The following GALNTL6 variants were observed in gnomAD, a reference collection of about 807,000 sequenced individuals.
GALNTL6 encodes polypeptide N-acetylgalactosaminyltransferase-like 6.
GALNTL6 carries 46 observed loss-of-function variants against 73.7 expected under a neutral mutation model. That is an observed-to-expected ratio of 0.62 (90% CI 0.49 to 0.80). GALNTL6 has a LOEUF of 0.80. Ranked by LOEUF, GALNTL6 falls within the 30% of genes least tolerant of loss-of-function variation. The pLI is 0.00. For missense variants in GALNTL6, 604 were observed against 755.0 expected, an observed-to-expected ratio of 0.80 and a Z score of 2.34; for synonymous variants, 259 against 263.7, an observed-to-expected ratio of 0.98 and a Z score of 0.17.
At chr4:172,311,888 G>GCAT in intron 4 of GALNTL6, 136 bp downstream of exon 4, 1 of 594,000 alleles carries the variant, frequency 1.7e-6, no homozygotes, top group Non-Finnish European at 2.8e-6. Flanking sequence ...AACTCATATT[G>GCAT]CATCATCTTA....
intron 5 of GALNTL6, among the ~76,000 whole-genome samples, chr4:172,688,535 C>T (rs1298125074): frequency 6.6e-6 from 1 of 152,192 alleles, no homozygotes; most frequent in African/African-American, 2.4e-5. Context: ...AAAAATCCCC[C>T]TTATTTCAAT....
chr4:171,916,221 G>A (rs1034424219), intron 2 of GALNTL6, among the ~76,000 whole-genome samples: 13 of 151,662 alleles, frequency 8.6e-5, no homozygotes, highest in Non-Finnish European at 2.9e-5. Flanking sequence ...TAATTACTTA[G>A]TTTTGGGATC....
intron 2 of GALNTL6, among the ~76,000 whole-genome samples, chr4:172,088,675 G>A (rs1352203416): frequency 6.6e-6 from 1 of 152,120 alleles, no homozygotes; most frequent in Non-Finnish European, 1.5e-5. Context: ...TGGAATATGA[G>A]TTTTCATCTT....
chr4:172,409,625 A>G (rs951528326), intron 5 of GALNTL6, among the ~76,000 whole-genome samples: 11 of 152,046 alleles, frequency 7.2e-5, no homozygotes, highest in African/African-American at 2.7e-4. Flanking sequence ...GAACATTTCA[A>G]TGAGGAAAGG....
At chr4:171,846,435 T>C (rs192020883) in intron 2 of GALNTL6, among the ~76,000 whole-genome samples, 1 of 152,100 alleles carries the variant, frequency 6.6e-6, no homozygotes, top group Admixed American at 6.6e-5. Flanking sequence ...AGGTAGACAG[T>C]AGGGGGCAGT....
chr4:172,396,285 C>T (rs335992), intron 5 of GALNTL6, among the ~76,000 whole-genome samples: 150,249 of 151,628 alleles, frequency 0.99, 74,465 homozygotes, highest in Middle Eastern at 1. Flanking sequence ...CTAAAGCGTG[C>T]GTAACTGCAA....
At chr4:172,736,679 T>G (rs6858047) in intron 5 of GALNTL6, among the ~76,000 whole-genome samples, 6,972 of 152,262 alleles carry the variant, frequency 0.046, 295 homozygotes, top group African/African-American at 0.11. Flanking sequence ...TCTTCACAAT[T>G]TATGTTCAGA....
intron 5 of GALNTL6, among the ~76,000 whole-genome samples, chr4:172,603,814 C>T (rs1738157857): frequency 6.6e-6 from 1 of 152,148 alleles, no homozygotes; most frequent in Non-Finnish European, 1.5e-5. Flanking sequence ...TCATCTCTTT[C>T]TAATTAGCAC....
chr4:171,832,347 A>G (rs903828521), intron 2 of GALNTL6, among the ~76,000 whole-genome samples: 1 of 151,434 alleles, frequency 6.6e-6, no homozygotes, highest in African/African-American at 2.4e-5. Flanking sequence ...ATTCCTATTT[A>G]CAATTATTTA....
intron 3 of GALNTL6, among the ~76,000 whole-genome samples, chr4:172,301,852 A>G (rs1739940424): frequency 6.6e-6 from 1 of 152,154 alleles, no homozygotes; most frequent in South Asian, 2.1e-4. Flanking sequence ...CCGTTCTCAG[A>G]TCTCCAGCTG....
At chr4:171,942,241 G>GATAAATAAAAAAATAAATAA (rs1738570661) in intron 2 of GALNTL6, among the ~76,000 whole-genome samples, 1 of 30,154 alleles carries the variant, frequency 3.3e-5, no homozygotes, top group Non-Finnish European at 2.1e-4. Context: ...AAAATAAATA[G>GATAAATAAAAAAATAAATAA]ATAAATAAAT....
intron 9 of GALNTL6, among the ~76,000 whole-genome samples, chr4:172,935,953 C>T (rs1352597527): frequency 1.3e-5 from 2 of 152,164 alleles, no homozygotes; most frequent in African/African-American, 4.8e-5. Context: ...CATCCTGATA[C>T]CAAAACCTGG....
At chr4:172,891,120 C>A (rs981220730) in intron 8 of GALNTL6, among the ~76,000 whole-genome samples, 2 of 129,812 alleles carry the variant, frequency 1.5e-5, no homozygotes, top group Admixed American at 7.1e-5. Context: ...GAAGGTTGGG[C>A]CTTTTTTTTT....
intron 12 of GALNTL6, among the ~76,000 whole-genome samples, chr4:173,035,398 G>A (rs1011829411): frequency 2.0e-5 from 3 of 152,044 alleles, no homozygotes; most frequent in South Asian, 2.1e-4. Flanking sequence ...GGCTGGTCTC[G>A]AACTTCTGAC....
At chr4:172,925,140 G>A (rs374215988) in intron 8 of GALNTL6, among the ~76,000 whole-genome samples, 26 of 151,472 alleles carry the variant, frequency 1.7e-4, no homozygotes, top group African/African-American at 6.3e-4. Context: ...CCAAAGTGCT[G>A]GGATTACAGG....
At chr4:171,958,202 C>T (rs368237749) in intron 2 of GALNTL6, among the ~76,000 whole-genome samples, 20 of 152,164 alleles carry the variant, frequency 1.3e-4, no homozygotes, top group African/African-American at 3.6e-4. Flanking sequence ...TCTGATACAC[C>T]CAAGTCTGAT....
chr4:172,687,305 T>C (rs1449749181), intron 5 of GALNTL6, among the ~76,000 whole-genome samples: 1 of 152,142 alleles, frequency 6.6e-6, no homozygotes, highest in Non-Finnish European at 1.5e-5. Context: ...GTGGGTGCTT[T>C]CATTTTAAGT....
chr4:172,200,668 A>G (rs902008867), intron 2 of GALNTL6, among the ~76,000 whole-genome samples: 2 of 152,260 alleles, frequency 1.3e-5, no homozygotes, highest in Non-Finnish European at 2.9e-5. Flanking sequence ...CTGAATAAAC[A>G]AGCACATTAG....
chr4:172,376,641 G>T (rs1579010815), intron 5 of GALNTL6, among the ~76,000 whole-genome samples: 2 of 152,118 alleles, frequency 1.3e-5, no homozygotes, highest in Non-Finnish European at 2.9e-5. Flanking sequence ...AAATAGGACA[G>T]AATAGCAAGC....
Sources: allele counts gnomAD v4.1 joint callset (sites outside exome capture counted in the v4.1 genomes callset), GRCh38; gene constraint gnomAD v4.1.1; transcripts MANE v1.5; gene names NCBI Gene and HGNC (gene_info 2026-07-23, HGNC 2026-07-21).